NCOA2: variants seen among roughly 807,000 people sequenced by gnomAD.
NCOA2 encodes class E basic helix-loop-helix protein 75.
Under a neutral mutation model 145.1 loss-of-function variants are expected in NCOA2, and 21 were observed. That is an observed-to-expected ratio of 0.14 (90% CI 0.10 to 0.21). NCOA2 has a LOEUF of 0.21. NCOA2 is among the 10% of genes least tolerant of loss of function. The pLI is 1.00. For missense variants in NCOA2, 1,472 were observed against 1,837.6 expected, an observed-to-expected ratio of 0.80 and a Z score of 3.64; for synonymous variants, 619 against 637.5, an observed-to-expected ratio of 0.97 and a Z score of 0.44.
intron 1 of NCOA2, among the ~76,000 whole-genome samples, chr8:70,369,866 G>A (rs759046020): frequency 1.3e-5 from 2 of 151,674 alleles, no homozygotes; most frequent in Non-Finnish European, 2.9e-5. Flanking sequence ...GCAGAATAGT[G>A]CCTCATTAAT....
At chr8:70,148,856 C>A (rs1811413250) in intron 11 of NCOA2, among the ~76,000 whole-genome samples, 1 of 151,948 alleles carries the variant, frequency 6.6e-6, no homozygotes, top group Non-Finnish European at 1.5e-5. Context: ...GACTTTGGTC[C>A]AGGTCTAGGT....
At chr8:70,155,846 G>C in intron 11 of NCOA2, 125 bp downstream of exon 11, 1 of 764,974 alleles carries the variant, frequency 1.3e-6, no homozygotes, top group Non-Finnish European at 2.0e-6. Context: ...AGATTTTCAA[G>C]ATAAGAACAA....
chr8:70,434,193 T>C, the NCOA2 span, among the ~76,000 whole-genome samples: 2 of 152,182 alleles, frequency 1.3e-5, no homozygotes, highest in African/African-American at 2.4e-5. Context: ...ACCCACTCTG[T>C]AAGTTTCCTC....
intron 1 of NCOA2, among the ~76,000 whole-genome samples, chr8:70,306,616 AT>A (rs1343860512): frequency 6.6e-6 from 1 of 152,150 alleles, no homozygotes; most frequent in East Asian, 1.9e-4. Flanking sequence ...TCAGTGGCTT[AT>A]GTCTGTAATC....
chr8:70,360,951 A>C (rs1290653808), intron 1 of NCOA2, among the ~76,000 whole-genome samples: 2 of 152,010 alleles, frequency 1.3e-5, no homozygotes, highest in South Asian at 2.1e-4. Flanking sequence ...TCAAAAAAAA[A>C]AAAAAAAAAA....
At chr8:70,366,074 T>C (rs775692083) in intron 1 of NCOA2, among the ~76,000 whole-genome samples, 6 of 152,190 alleles carry the variant, frequency 3.9e-5, no homozygotes, top group Admixed American at 1.3e-4. Context: ...CATGAGCATG[T>C]GCTTCTCTTA....
intron 2 of NCOA2, among the ~76,000 whole-genome samples, chr8:70,243,448 T>G (rs1318488844): frequency 6.6e-6 from 1 of 152,106 alleles, no homozygotes; most frequent in East Asian, 1.9e-4. Flanking sequence ...GTTAACTTAT[T>G]GGATTAAATA....
chr8:70,345,791 G>A (rs62530509), intron 1 of NCOA2, among the ~76,000 whole-genome samples: 1 of 152,068 alleles, frequency 6.6e-6, no homozygotes, highest in South Asian at 2.1e-4. Context: ...ATGCCCAAAG[G>A]ATACAGGAAA....
intron 1 of NCOA2, among the ~76,000 whole-genome samples, chr8:70,385,429 A>G (rs893929897): frequency 6.6e-6 from 1 of 152,054 alleles, no homozygotes; most frequent in African/African-American, 2.4e-5. Context: ...AAGAAACTCC[A>G]ATTTTATTTT....
At chr8:70,170,059 C>T (rs1398938573) in intron 6 of NCOA2, 143 bp downstream of exon 6, 6 of 733,530 alleles carry the variant, frequency 8.2e-6, no homozygotes, top group African/African-American at 1.8e-5. Flanking sequence ...ACACAAGCAT[C>T]TGTAAAAAAC....
intron 4 of NCOA2, among the ~76,000 whole-genome samples, chr8:70,197,081 G>A (rs962499513): frequency 3.2e-4 from 48 of 152,324 alleles, no homozygotes; most frequent in African/African-American, 1.1e-3. Context: ...GCATTTACAT[G>A]ACATTCTCTT....
At chr8:70,442,133 A>AAGAAAGAAAGAAAGAAAGAG in the NCOA2 span, among the ~76,000 whole-genome samples, 1 of 122,830 alleles carries the variant, frequency 8.1e-6, no homozygotes, top group African/African-American at 4.3e-5. Context: ...GAAAGAAAGA[A>AAGAAAGAAAGAAAGAAAGAG]AGAAAGAAAG....
chr8:70,427,093 C>A, the NCOA2 span, among the ~76,000 whole-genome samples: 1 of 151,994 alleles, frequency 6.6e-6, no homozygotes, highest in African/African-American at 2.4e-5. Flanking sequence ...GTATATCTGG[C>A]CTGGTTTTGT....
intron 1 of NCOA2, among the ~76,000 whole-genome samples, chr8:70,312,053 C>A (rs1027273045): frequency 5.9e-5 from 9 of 152,100 alleles, no homozygotes; most frequent in African/African-American, 2.2e-4. Flanking sequence ...TAAAGGGAGG[C>A]TGAGTGAGGT....
chr8:70,185,861 T>A (rs906338634), intron 4 of NCOA2, among the ~76,000 whole-genome samples: 1 of 152,216 alleles, frequency 6.6e-6, no homozygotes, highest in Non-Finnish European at 1.5e-5. Context: ...TTTTTGGCAA[T>A]TTGAGCAGTT....
chr8:70,277,958 T>C (rs191578436), intron 2 of NCOA2, among the ~76,000 whole-genome samples: 33 of 152,318 alleles, frequency 2.2e-4, no homozygotes, highest in African/African-American at 7.7e-4. Context: ...GTACAATAGT[T>C]TTTAGTATAT....
Position 70,156,081 on chromosome 8 carries a change from T to G in NCOA2, c.2284A>C (p.Ile762Leu). 1 of 1,613,990 alleles carries G rather than the reference T, an allele frequency of 6.2e-7. No individual in the cohort carries two copies. Among genetic ancestry groups the G allele is most frequent in the Non-Finnish European group, 8.5e-7 (1 of 1,179,878 alleles). The change falls in exon 11 of 23, where the codon ATA becomes CTA. Residue 762 changes from isoleucine (I) to leucine (L), a missense_variant. Physicochemically the swap from Ile to Leu is conservative, Grantham distance 5. This residue lies in a region of NCOA2 where 953 missense variants were observed against 1,062.1 expected (regional missense o/e 0.90). Coordinates refer to ENST00000452400, the MANE Select transcript of NCOA2 (RefSeq NM_006540.4). The part of the protein sequence containing the change: ...DDTKDIGLPE[I>L]TPKLERLDSK... ...TCCAGTCTCTCAAGTTTGGGGGTTA[T>G]TTCTGGTAAACCAATATCTTTAGTA...
intron 1 of NCOA2, among the ~76,000 whole-genome samples, chr8:70,356,842 T>C (rs1321640632): frequency 6.6e-6 from 1 of 152,234 alleles, no homozygotes; most frequent in Non-Finnish European, 1.5e-5. Context: ...AAATATTTGA[T>C]GGCATGACTA....
intron 21 of NCOA2, among the ~76,000 whole-genome samples, chr8:70,122,423 CTT>C (rs768646156): frequency 3.5e-5 from 5 of 143,238 alleles, no homozygotes; most frequent in Admixed American, 2.1e-4. Flanking sequence ...CTAATTTAAA[CTT>C]TTTTTTTTTT....
Sources: allele counts gnomAD v4.1 joint callset (sites outside exome capture counted in the v4.1 genomes callset), GRCh38; gene constraint gnomAD v4.1.1; regional missense constraint gnomAD v4.1.1; transcripts MANE v1.5; gene names NCBI Gene and HGNC (gene_info 2026-07-23, HGNC 2026-07-21).